Variants in MCUB observed in about 807,000 individuals in gnomAD.
The protein encoded by MCUB is calcium uniporter regulatory subunit MCUb, mitochondrial.
MCUB carries 46 observed loss-of-function variants against 41.4 expected under a neutral mutation model. The ratio of observed to expected loss-of-function variants is 1.11; its 90% CI spans 0.88 to 1.42. The LOEUF (loss-of-function observed/expected upper bound fraction) is 1.42, where lower values mean the gene tolerates loss of function less well. Ranked by LOEUF, MCUB falls within the 40% of genes most tolerant of loss-of-function variation. The pLI, the probability that MCUB is intolerant of heterozygous loss-of-function variation, is 0.00. For synonymous variants in MCUB, 148 were observed against 148.2 expected (o/e 1.00, Z 0.01); for missense variants, 403 against 404.9 (o/e 1.00, Z 0.04).
intron 4 of MCUB, among the ~76,000 whole-genome samples, chr4:109,677,054 C>A (rs1279463692): frequency 6.6e-6 from 1 of 152,232 alleles, no homozygotes; most frequent in African/African-American, 2.4e-5. Context: ...GCCATGGGGG[C>A]AGGACTGCCC....
chr4:109,649,611 C>A lies in MCUB; in HGVS notation c.100-9400C>A, dbSNP rs1561240537. ...AATTCACCTTATGTAAATTTAATTG[C>A]TTTCCTTTGTAGGCAATCTCTTTTT... On this transcript the variant is annotated intron_variant, in intron 1 of 7. Coordinates refer to ENST00000394650, the MANE Select transcript of MCUB (RefSeq NM_017918.5). 2.0e-5 allele frequency among the ~76,000 whole-genome samples: 3 copies of A among 151,992 alleles called. No homozygotes were observed. In the South Asian group the frequency reaches 6.2e-4, roughly 31 times the overall value.
At chr4:109,646,199 A>G (rs1187177064) in intron 1 of MCUB, among the ~76,000 whole-genome samples, 2 of 152,134 alleles carry the variant, frequency 1.3e-5, no homozygotes, top group Non-Finnish European at 2.9e-5. Flanking sequence ...AAAGGAGAAT[A>G]TCCAAATACT....
At chr4:109,658,802 C>T (rs1338578289) in intron 1 of MCUB, among the ~76,000 whole-genome samples, 1 of 152,198 alleles carries the variant, frequency 6.6e-6, no homozygotes, top group Admixed American at 6.5e-5. Flanking sequence ...TGGTGTGCTA[C>T]TGCTACAGCA....
chr4:109,656,354 C>CTTTTTTTTT lies in MCUB; in HGVS notation c.100-2627_100-2619dup, dbSNP rs752851425. On this transcript the variant is annotated intron_variant, in intron 1 of 7. Coordinates refer to ENST00000394650, the MANE Select transcript of MCUB (RefSeq NM_017918.5). ...GAGGGGCTCTAACTTTTACTCTCTACTTTTTTTTTTTTTTTTTTTTTTTTT... is the reference window on the plus strand; with the variant it reads ...GAGGGGCTCTAACTTTTACTCTCTACTTTTTTTTTTTTTTTTTTTTTTTTTTTTTTTTTT... 3.7e-4 allele frequency among the ~76,000 whole-genome samples: 23 copies of CTTTTTTTTT among 62,116 alleles called. 3 individuals are homozygous for CTTTTTTTTT. The highest frequency in any genetic ancestry group is 3.7e-4 in the Non-Finnish European group (12 of 32,130). The allele number at this position is 62,116 out of a possible 152,430, so 40.8% of individuals were successfully genotyped here.
intron 1 of MCUB, among the ~76,000 whole-genome samples, chr4:109,641,388 G>A: frequency 6.6e-6 from 1 of 151,696 alleles, no homozygotes; most frequent in Non-Finnish European, 1.5e-5. Flanking sequence ...ACAGGCGTGA[G>A]TCACCGCACC....
At chr4:109,562,301 A>G (rs1046163052) in intron 1 of MCUB, among the ~76,000 whole-genome samples, 2 of 152,208 alleles carry the variant, frequency 1.3e-5, no homozygotes, top group African/African-American at 4.8e-5. Flanking sequence ...AAGAAGCGTT[A>G]TGTTTGAATG....
At chr4:109,627,246 G>A (rs1728381192) in intron 1 of MCUB, among the ~76,000 whole-genome samples, 1 of 152,104 alleles carries the variant, frequency 6.6e-6, no homozygotes, top group East Asian at 1.9e-4. Context: ...GATGACCAGT[G>A]TTTGCTGGCA....
At chr4:109,589,894 T>C (rs1272248563) in intron 1 of MCUB, among the ~76,000 whole-genome samples, 1 of 152,246 alleles carries the variant, frequency 6.6e-6, no homozygotes, top group African/African-American at 2.4e-5. Context: ...ACATGGCTTT[T>C]ATTTAGAACT....
intron 1 of MCUB, among the ~76,000 whole-genome samples, chr4:109,619,663 C>T (rs895242782): frequency 1.3e-5 from 2 of 152,146 alleles, no homozygotes; most frequent in African/African-American, 4.8e-5. Context: ...GCTAAGATCG[C>T]ACCACTGCAC....
At chr4:109,582,266 C>T (rs1450545866) in intron 1 of MCUB, among the ~76,000 whole-genome samples, 3 of 150,742 alleles carry the variant, frequency 2.0e-5, no homozygotes, top group Non-Finnish European at 4.4e-5. Flanking sequence ...TCTCAGCAAA[C>T]TATTGCAAGG....
chr4:109,683,787 A>G (rs1729769876), intron 5 of MCUB, among the ~76,000 whole-genome samples: 2 of 152,226 alleles, frequency 1.3e-5, no homozygotes, highest in Admixed American at 6.5e-5. Flanking sequence ...GTATGCAGGT[A>G]TATATTCAGA....
chr4:109,616,714 G>A (rs995779758), intron 1 of MCUB, among the ~76,000 whole-genome samples: 20 of 151,932 alleles, frequency 1.3e-4, no homozygotes, highest in Non-Finnish European at 2.1e-4. Context: ...TAATATTTTG[G>A]TATCTTACCT....
chr4:109,686,367 A>T (rs1382076325), intron 7 of MCUB, among the ~76,000 whole-genome samples: 1 of 152,104 alleles, frequency 6.6e-6, no homozygotes, highest in African/African-American at 2.4e-5. Context: ...TCAAACTCCT[A>T]ACCTCAAGTG....
intron 1 of MCUB, among the ~76,000 whole-genome samples, chr4:109,609,237 A>C (rs1017453614): frequency 2.0e-5 from 3 of 152,198 alleles, no homozygotes; most frequent in African/African-American, 7.2e-5. Context: ...TTAAGAAAGT[A>C]AAGGAATAAA....
At chr4:109,656,985 C>T (rs891707295) in intron 1 of MCUB, among the ~76,000 whole-genome samples, 1 of 152,018 alleles carries the variant, frequency 6.6e-6, no homozygotes, top group African/African-American at 2.4e-5. Flanking sequence ...TTCGGGAGGC[C>T]GAGGCAGGCT....
chr4:109,633,504 C>T (rs149720830), intron 1 of MCUB, among the ~76,000 whole-genome samples: 5,245 of 152,004 alleles, frequency 0.035, 138 homozygotes, highest in Non-Finnish European at 0.051. Flanking sequence ...CTCCTGACCT[C>T]ATAATCTGCA....
chr4:109,652,833 G>A (rs566413344), intron 1 of MCUB, among the ~76,000 whole-genome samples: 34 of 152,160 alleles, frequency 2.2e-4, no homozygotes, highest in Non-Finnish European at 4.3e-4. Flanking sequence ...TTAGCATCTT[G>A]AAAACATTCC....
chr4:109,687,925 C>T lies in MCUB; in HGVS notation c.*333C>T. 1 of 190,028 alleles carries T rather than the reference C, an allele frequency of 5.3e-6. No homozygotes were observed. The highest frequency in any genetic ancestry group is 1.1e-5 in the Non-Finnish European group (1 of 93,586). 11.8% of individuals were successfully genotyped at this position (190,028 alleles called of 1,614,324 possible). On this transcript the variant is annotated 3_prime_UTR_variant, in exon 8 of 8. Coordinates refer to ENST00000394650, the MANE Select transcript of MCUB (RefSeq NM_017918.5). ...TCCATTCTTAGACTTAATTTGGAAT[C>T]ATCCTTTTAAAAAAATCAGAGACCA...
intron 1 of MCUB, among the ~76,000 whole-genome samples, chr4:109,597,742 C>A (rs1727608141): frequency 6.9e-6 from 1 of 143,912 alleles, no homozygotes; most frequent in South Asian, 2.1e-4. Context: ...GCTGACCCCC[C>A]CACCTCCCTC....
Sources: gnomAD v4.1 joint callset for allele counts (sites outside exome capture counted in the v4.1 genomes callset) on GRCh38, gnomAD v4.1.1 for gene constraint, MANE v1.5 for transcripts, NCBI Gene and HGNC (gene_info 2026-07-23, HGNC 2026-07-21) for gene names.